The following AGFG1 variants were observed in gnomAD, a reference collection of about 807,000 sequenced individuals.
AGFG1 encodes the protein arf-GAP domain and FG repeat-containing protein 1.
In AGFG1, 10 loss-of-function variants were observed where a neutral mutation model predicts 60.6. The ratio of observed to expected loss-of-function variants is 0.16; its 90% CI spans 0.10 to 0.28. AGFG1 has a LOEUF of 0.28. Among genes scored for constraint, AGFG1 ranks in the 10% least tolerant of loss-of-function variants. The probability of loss-of-function intolerance (pLI) is 1.00; values close to 1 mark genes in which losing one functional copy is unlikely to be tolerated. For synonymous variants in AGFG1, 247 were observed against 242.9 expected, an observed-to-expected ratio of 1.02 and a Z score of -0.16; for missense variants, 537 against 676.5, an observed-to-expected ratio of 0.79 and a Z score of 2.29.
At chr2:227,482,669 T>A (rs1238803538) in intron 1 of AGFG1, among the ~76,000 whole-genome samples, 1 of 152,184 alleles carries the variant, frequency 6.6e-6, no homozygotes, top group Admixed American at 6.5e-5. Context: ...TTAATAAAAC[T>A]AACTAAATAA....
At chr2:227,498,680 C>T (rs1026425770) in intron 2 of AGFG1, among the ~76,000 whole-genome samples, 2 of 152,174 alleles carry the variant, frequency 1.3e-5, no homozygotes, top group Non-Finnish European at 2.9e-5. Context: ...AAAATGTAGA[C>T]ATGTCTTTGT....
chr2:227,507,039 G>A (rs1050673673), intron 2 of AGFG1, among the ~76,000 whole-genome samples: 3 of 152,066 alleles, frequency 2.0e-5, no homozygotes, highest in African/African-American at 4.8e-5. Context: ...GGTCATGTTA[G>A]CAGCTAATGC....
rs1693057706 is a variant in AGFG1, at chr2:227,559,030, T to G, written c.*4535T>G. ...TTGAACACTTGTTTATTTTTAGAGA[T>G]ATACTGGGCACTGAGGTATTTAATC... On this transcript the variant is annotated 3_prime_UTR_variant, in exon 13 of 13. Transcript: ENST00000310078. The G allele has an allele frequency of 6.6e-6, 1 of 152,220 alleles. No homozygotes were observed. The highest frequency in any genetic ancestry group is 1.5e-5 in the Non-Finnish European group (1 of 68,024). 9.4% of individuals were successfully genotyped at this position (152,220 alleles called of 1,614,324 possible). A position where few individuals can be genotyped will look rare whatever the true frequency, so the allele number is the denominator to read the frequency against.
chr2:227,472,750 G>A (rs902888528), intron 1 of AGFG1, among the ~76,000 whole-genome samples, 162 bp downstream of exon 1: 1 of 152,000 alleles, frequency 6.6e-6, no homozygotes, highest in Non-Finnish European at 1.5e-5. Context: ...GTGGGAGGCT[G>A]CGGGCTGGAT....
In AGFG1 at chr2:227,533,555, G is replaced by A; in HGVS notation, c.821G>A (p.Ser274Asn). Residue 274 changes from serine (S) to asparagine (N), a missense_variant, in exon 7 of 13, where the codon AGT (serine) becomes AAT (asparagine). Ser to Asn is a conservative substitution (Grantham distance 46). This residue lies in a region of AGFG1 where 287 missense variants were observed against 343.6 expected (regional missense o/e 0.84). Transcript: ENST00000310078. ...TCTGTTTATTCTGTTACAGGTGGAA[G>A]TGCTGCATCAGTAAATGCTAATTTT... is the stretch of plus-strand genomic sequence containing the variant. ...SPFQPQTTGG[S>N]AASVNANFAH... The A allele has an allele frequency of 6.2e-7, 1 of 1,613,466 alleles. No individual in the cohort carries two copies. The highest frequency in any genetic ancestry group is 8.5e-7 in the Non-Finnish European group (1 of 1,179,580).
chr2:227,473,133 C>G (rs901711287), intron 1 of AGFG1, among the ~76,000 whole-genome samples: 1 of 152,106 alleles, frequency 6.6e-6, no homozygotes, highest in Non-Finnish European at 1.5e-5. Context: ...TCGCCCGTGC[C>G]TTTTTTCTGG....
intron 1 of AGFG1, among the ~76,000 whole-genome samples, chr2:227,479,952 A>T (rs75856174): frequency 0.054 from 8,249 of 152,294 alleles, 294 homozygotes; most frequent in African/African-American, 0.09. Context: ...GTGTTAGAAC[A>T]TACTTTGCTC....
chr2:227,479,907 G>A (rs2106154533), intron 1 of AGFG1, among the ~76,000 whole-genome samples: 1 of 152,318 alleles, frequency 6.6e-6, no homozygotes, highest in African/African-American at 2.4e-5. Flanking sequence ...AAACTTATTT[G>A]AGTTGTTTGA....
chr2:227,535,648 A>G (rs892854354), intron 8 of AGFG1, among the ~76,000 whole-genome samples: 5 of 152,194 alleles, frequency 3.3e-5, no homozygotes, highest in Non-Finnish European at 7.3e-5. Context: ...AGATTTACCT[A>G]TAACAATGTT....
chr2:227,484,244 A>G (rs1690552280), intron 1 of AGFG1, among the ~76,000 whole-genome samples: 1 of 152,132 alleles, frequency 6.6e-6, no homozygotes, highest in Admixed American at 6.5e-5. Flanking sequence ...GCTGGAGTGC[A>G]GTGGCGTGAT....
intron 2 of AGFG1, among the ~76,000 whole-genome samples, chr2:227,496,965 T>TA (rs1690991330): frequency 6.6e-6 from 1 of 152,332 alleles, no homozygotes; most frequent in Middle Eastern, 3.4e-3. Flanking sequence ...TGAAAATTGA[T>TA]AGTTATTTTA....
rs116452904 is a variant in AGFG1, at chr2:227,504,359, A to T, written c.261+12719A>T. The stretch of plus-strand genomic sequence containing the variant: ...AGGCATACACCACCACGCCTGGCTC[A>T]TTTTTGTATTTTGAGTAGAGATAGA... On this transcript the variant is annotated intron_variant, in intron 2 of 12. Coordinates refer to ENST00000310078, the MANE Select transcript of AGFG1 (RefSeq NM_004504.5). Among the ~76,000 whole-genome samples the T allele has an allele frequency of 3.6e-3, 547 of 152,082 alleles. 1 individual carries two copies. The highest frequency in any genetic ancestry group is 0.012 in the African/African-American group (516 of 41,486).
At chr2:227,477,670 A>G (rs532139023) in intron 1 of AGFG1, among the ~76,000 whole-genome samples, 1 of 152,046 alleles carries the variant, frequency 6.6e-6, no homozygotes, top group Non-Finnish European at 1.5e-5. Flanking sequence ...CAGTGGTGCG[A>G]TCTCACCTCA....
rs1488255935 is a variant in AGFG1 at position 227,491,593 on chromosome 2, A to G, written c.214A>G (p.Thr72Ala). 1.3e-6 allele frequency: 2 copies of G among 1,567,384 alleles called. No homozygotes were observed. ...PHRVKSISMT[T>A]FTQQEIEFLQ... ...CAGGGTGAAATCTATCTCCATGACA[A>G]CATTCACACAACAGGAAATTGAATT... is the stretch of plus-strand genomic sequence containing the variant. Residue 72 changes from threonine (T) to alanine (A), a missense_variant, in exon 2 of 13, where the codon ACA (threonine) becomes GCA (alanine). This residue lies in a region of AGFG1 where 120 missense variants were observed against 198.5 expected (regional missense o/e 0.60). Transcript: ENST00000310078.
chr2:227,533,255 A>G (rs1435570001), intron 6 of AGFG1, among the ~76,000 whole-genome samples: 1 of 148,620 alleles, frequency 6.7e-6, no homozygotes, highest in African/African-American at 2.5e-5. Context: ...CTAGAAAGTA[A>G]CTGAATCTCA....
At chr2:227,516,874 C>G (rs1293199600) in intron 2 of AGFG1, among the ~76,000 whole-genome samples, 1 of 151,986 alleles carries the variant, frequency 6.6e-6, no homozygotes, top group Non-Finnish European at 1.5e-5. Context: ...AAATAACTAC[C>G]CTGTCTCTTG....
intron 2 of AGFG1, 56 bp from the exon 3 acceptor site, chr2:227,519,892 A>G: frequency 1.9e-6 from 2 of 1,061,384 alleles, no homozygotes; most frequent in Non-Finnish European, 2.8e-6. Flanking sequence ...TCCCCTTAAA[A>G]TTTCATTAAG....
In AGFG1 at chr2:227,544,674, A is replaced by G. The variant is rs1168950366; in HGVS notation, c.1379-7285A>G. ...CCTGGTGGTGACAGAATCTCTCAGC[A>G]TTTGCTTGTCTGTAAAGGATTTTAT... On this transcript the variant is annotated intron_variant, in intron 10 of 12. Transcript: ENST00000310078. 2.0e-5 allele frequency among the ~76,000 whole-genome samples: 3 copies of G among 152,246 alleles called. No homozygotes were observed. The East Asian group carries it at 5.8e-4, about 29-fold the overall frequency.
rs1362810517 is a variant in AGFG1, at chr2:227,554,531, G to A, written c.*36G>A. 2.6e-6 allele frequency: 4 copies of A among 1,535,826 alleles called. No homozygotes were observed. The South Asian group carries it at 3.4e-5, about 13-fold the overall frequency. On this transcript the variant is annotated 3_prime_UTR_variant, in exon 13 of 13. Transcript: ENST00000310078. ...ACAATTTACTGGAACGAACTTTTAT[G>A]TGGTCACATTACATCTCTCCACCTC...
Sources: allele counts gnomAD v4.1 joint callset (sites outside exome capture counted in the v4.1 genomes callset), GRCh38; gene constraint gnomAD v4.1.1; regional missense constraint gnomAD v4.1.1; transcripts MANE v1.5; gene names NCBI Gene and HGNC (gene_info 2026-07-23, HGNC 2026-07-21).